UTP20: variants seen among roughly 807,000 people sequenced by gnomAD.
UTP20 encodes small subunit processome component 20 homolog.
In UTP20, 164 loss-of-function variants were observed where a neutral mutation model predicts 329.5. That is an observed-to-expected ratio of 0.50 (90% CI 0.44 to 0.57). The LOEUF is 0.57. Among genes scored for constraint, UTP20 ranks in the 20% least tolerant of loss-of-function variants. UTP20 has a pLI of 0.00. For missense variants in UTP20, 3,055 were observed against 3,284.2 expected, an observed-to-expected ratio of 0.93 and a Z score of 1.71; for synonymous variants, 1,151 against 1,159.3, an observed-to-expected ratio of 0.99 and a Z score of 0.14.
At chr12:101,332,763 T>C (rs1868801613) in intron 27 of UTP20, among the ~76,000 whole-genome samples, 1 of 152,206 alleles carries the variant, frequency 6.6e-6, no homozygotes, top group Non-Finnish European at 1.5e-5. Context: ...GGAAAAATCA[T>C]AAATTCCTTA....
In UTP20 at chr12:101,295,478, A is replaced by G; in HGVS notation, c.1252-2A>G. The G allele has an allele frequency of 6.4e-7, 1 of 1,558,616 alleles. No individual in the cohort carries two copies. ...GTGTGATTTTTTTTTTCTTAACTTT[A>G]GCTTTTTCTACCAAGCTTTCTGTCA... is the stretch of plus-strand genomic sequence containing the variant. On this transcript the variant is annotated splice_acceptor_variant, in intron 11 of 61. Transcript: ENST00000261637. LOFTEE classifies it high-confidence loss of function.
chr12:101,298,043 T>C (rs1302662716), intron 12 of UTP20, among the ~76,000 whole-genome samples: 1 of 152,122 alleles, frequency 6.6e-6, no homozygotes, highest in East Asian at 1.9e-4. Flanking sequence ...ATAGTTTGAA[T>C]ATTACTAGTA....
Position 101,332,898 on chromosome 12 carries a change from C to T in UTP20, c.3418-403C>T, listed in dbSNP as rs536757385. Among the ~76,000 whole-genome samples, 14 of 152,014 alleles carry T rather than the reference C, an allele frequency of 9.2e-5. No homozygotes were observed. In the East Asian group the frequency reaches 2.7e-3, roughly 29 times the overall value. ...TTTGAAATGAAGATTTAATTTTTTT[C>T]CCCCTAATATAAGGCATTATGTTGG... On this transcript the variant is annotated intron_variant, in intron 27 of 61. Transcript: ENST00000261637.
chr12:101,382,546 T>A (rs544311440), intron 58 of UTP20, among the ~76,000 whole-genome samples: 1 of 152,250 alleles, frequency 6.6e-6, no homozygotes, highest in South Asian at 2.1e-4. Flanking sequence ...GGATGCCCTA[T>A]GAGGAAGAAC....
At chr12:101,368,353 G>A (rs535492330) in intron 48 of UTP20, among the ~76,000 whole-genome samples, 90 of 151,990 alleles carry the variant, frequency 5.9e-4, no homozygotes, top group Admixed American at 1.0e-3. Flanking sequence ...GACTGGTCTC[G>A]AACCCCTGAC....
chr12:101,321,492 C>A lies in UTP20; in HGVS notation c.2916-12C>A. On this transcript the variant is annotated splice_polypyrimidine_tract_variant and intron_variant, in intron 24 of 61. Coordinates refer to ENST00000261637, the MANE Select transcript of UTP20 (RefSeq NM_014503.3). ...ATAAAGTGGTGATTTGTGCTGTTCT[C>A]TGTTTTTAAAGGGAAAACTTACAAA... is the stretch of plus-strand genomic sequence containing the variant. The A allele has an allele frequency of 6.2e-7, 1 of 1,611,668 alleles. No homozygotes were observed. Among genetic ancestry groups the A allele is most frequent in the South Asian group, 1.1e-5 (1 of 90,828 alleles).
chr12:101,327,359 C>A, intron 26 of UTP20, 112 bp downstream of exon 26: 2 of 1,089,718 alleles, frequency 1.8e-6, no homozygotes, highest in Non-Finnish European at 2.5e-6. Flanking sequence ...TTGTTCCTCC[C>A]AATCTTGATG....
chr12:101,286,662 C>T (rs999613586), intron 5 of UTP20, among the ~76,000 whole-genome samples, 153 bp downstream of exon 5: 6 of 151,738 alleles, frequency 4.0e-5, no homozygotes, highest in Non-Finnish European at 8.8e-5. Flanking sequence ...ATCTAGTCTG[C>T]CAGTCTGAGT....
Position 101,386,442 on chromosome 12 carries a change from C to A in UTP20, c.*319C>A. ...TGTTGGCCAGGCTGGTCTCGAACAC[C>A]TGGGCTCAACTGATCCGCCTGCCTC... On this transcript the variant is annotated 3_prime_UTR_variant, in exon 62 of 62. Transcript: ENST00000261637. 5.4e-6 allele frequency: 1 copy of A among 186,150 alleles called. No individual in the cohort carries two copies. Among genetic ancestry groups the A allele is most frequent in the East Asian group, 1.3e-4 (1 of 7,640 alleles). The allele number at this position is 186,150 out of a possible 1,614,324, so 11.5% of individuals were successfully genotyped here.
intron 46 of UTP20, 67 bp from the exon 47 acceptor site, chr12:101,366,491 C>T (rs1870097797): frequency 1.9e-6 from 3 of 1,541,676 alleles, no homozygotes; most frequent in Non-Finnish European, 2.6e-6. Context: ...TTAGAAGGGC[C>T]ACTCTAACTT....
intron 51 of UTP20, among the ~76,000 whole-genome samples, chr12:101,372,184 C>T (rs569967649): frequency 2.0e-5 from 3 of 152,276 alleles, no homozygotes; most frequent in South Asian, 2.1e-4. Context: ...CATTTTACCG[C>T]GAGGGAAAGG....
At chr12:101,352,811 T>TAATA (rs531356474) in intron 39 of UTP20, among the ~76,000 whole-genome samples, 1 of 151,440 alleles carries the variant, frequency 6.6e-6, no homozygotes, top group African/African-American at 2.4e-5. Context: ...TAAAGTATAA[T>TAATA]AATAAATAAA....
In UTP20 at chr12:101,338,119, C is replaced by A; in HGVS notation, c.3710C>A (p.Ala1237Glu). 1 of 1,614,104 alleles carries A rather than the reference C, an allele frequency of 6.2e-7. No individual in the cohort carries two copies. The highest frequency in any genetic ancestry group is 1.3e-5 in the African/African-American group (1 of 75,028). Residue 1237 changes from alanine (A) to glutamate (E), a missense_variant, in exon 30 of 62, where the codon GCA (alanine) becomes GAA (glutamate). Physicochemically the swap from Ala to Glu is moderately radical, Grantham distance 107. Around this residue, in one of 3 missense-constraint regions of UTP20, gnomAD observed 2,445 missense variants for 2,575.5 expected, o/e 0.95. Coordinates refer to ENST00000261637, the MANE Select transcript of UTP20 (RefSeq NM_014503.3). The stretch of plus-strand genomic sequence containing the variant: ...TGTGATATCCTGACCAATGTTTTTG[C>A]AATTCTCTCAGCGAAGAATCTTTCT... ...PECDILTNVFAILSAKNLSDA... is the reference protein window; with the variant it reads ...PECDILTNVFEILSAKNLSDA...
At chr12:101,317,128 A>G (rs1872995548) in intron 21 of UTP20, among the ~76,000 whole-genome samples, 1 of 152,200 alleles carries the variant, frequency 6.6e-6, no homozygotes, top group Non-Finnish European at 1.5e-5. Flanking sequence ...TCCTAATGCT[A>G]TACTTTAATC....
At chr12:101,314,291 T>C (rs568045964) in intron 21 of UTP20, among the ~76,000 whole-genome samples, 14 of 152,296 alleles carry the variant, frequency 9.2e-5, no homozygotes, top group African/African-American at 3.4e-4. Context: ...TGGAGTGACC[T>C]TAGTCAGAGT....
intron 42 of UTP20, 106 bp from the exon 43 acceptor site, chr12:101,356,820 T>G: frequency 6.8e-7 from 1 of 1,476,290 alleles, no homozygotes; most frequent in Non-Finnish European, 9.1e-7. Flanking sequence ...TTTCGAATAT[T>G]AACAGGAAAA....
chr12:101,307,686 C>T (rs1872677925), intron 17 of UTP20, among the ~76,000 whole-genome samples: 1 of 152,158 alleles, frequency 6.6e-6, no homozygotes, highest in Non-Finnish European at 1.5e-5. Context: ...CAATATCTAT[C>T]TCATTCCTTT....
At chr12:101,326,974 A>T in intron 25 of UTP20, 107 bp from the exon 26 acceptor site, 1 of 1,062,806 alleles carries the variant, frequency 9.4e-7, no homozygotes. Flanking sequence ...GTTTTATAAT[A>T]TATCCATTTA....
intron 29 of UTP20, among the ~76,000 whole-genome samples, chr12:101,337,521 T>A (rs934864091): frequency 1.3e-5 from 2 of 152,222 alleles, no homozygotes; most frequent in South Asian, 2.1e-4. Context: ...TTATTGGGGA[T>A]GGATTCATCC....
Sources: gnomAD v4.1 joint callset for allele counts (sites outside exome capture counted in the v4.1 genomes callset) on GRCh38, gnomAD v4.1.1 for gene constraint, gnomAD v4.1.1 regional missense constraint, MANE v1.5 for transcripts, NCBI Gene and HGNC (gene_info 2026-07-23, HGNC 2026-07-21) for gene names.